The following CCDC91 variants were observed in gnomAD, a reference collection of about 807,000 sequenced individuals.
The protein encoded by CCDC91 is coiled-coil domain-containing protein 91.
Under a neutral mutation model 63.2 loss-of-function variants are expected in CCDC91, and 48 were observed. The observed-to-expected ratio is 0.76, with a 90% CI of 0.60 to 0.97. The LOEUF (loss-of-function observed/expected upper bound fraction) is 0.97, where lower values mean the gene tolerates loss of function less well. Among genes scored for constraint, CCDC91 ranks in the 50% least tolerant of loss-of-function variants. CCDC91 has a pLI of 0.00. For missense variants in CCDC91, 500 were observed against 494.6 expected, an observed-to-expected ratio of 1.01 and a Z score of -0.10; for synonymous variants, 167 against 165.8, an observed-to-expected ratio of 1.01 and a Z score of -0.06.
At chr12:28,226,140 A>G (rs962266437) in intron 1 of CCDC91, 2 of 152,056 alleles carry the variant, frequency 1.3e-5, no homozygotes, top group African/African-American at 4.8e-5. Flanking sequence ...TTACTTCCAG[A>G]TGAAAGTATT....
intron 8 of CCDC91, among the ~76,000 whole-genome samples, chr12:28,398,523 A>C (rs1946424636): frequency 6.6e-6 from 1 of 152,156 alleles, no homozygotes; most frequent in Non-Finnish European, 1.5e-5. Context: ...TTTTGTTTGT[A>C]AATATCTAGG....
intron 8 of CCDC91, among the ~76,000 whole-genome samples, chr12:28,397,080 T>G (rs1018606493): frequency 1.3e-5 from 2 of 152,134 alleles, no homozygotes; most frequent in African/African-American, 2.4e-5. Flanking sequence ...ATATAAGGGA[T>G]AGGCTAAGAC....
chr12:28,356,251 G>A (rs1019878885), intron 6 of CCDC91, among the ~76,000 whole-genome samples: 3 of 152,128 alleles, frequency 2.0e-5, no homozygotes, highest in African/African-American at 7.2e-5. Context: ...AAGGATTATG[G>A]CTCCTTTAGG....
chr12:28,545,311 A>G (rs7315631), intron 12 of CCDC91, among the ~76,000 whole-genome samples: 58,590 of 151,920 alleles, frequency 0.39, 11,694 homozygotes, highest in Middle Eastern at 0.45. Flanking sequence ...TCGCCTCAAT[A>G]AAGGATAAGA....
At chr12:28,333,121 C>T (rs916342802) in intron 6 of CCDC91, among the ~76,000 whole-genome samples, 2 of 152,048 alleles carry the variant, frequency 1.3e-5, no homozygotes, top group African/African-American at 4.8e-5. Context: ...TGGGGTCAGG[C>T]ATGGTGGCTC....
intron 10 of CCDC91, among the ~76,000 whole-genome samples, chr12:28,450,626 A>G (rs1188705442): frequency 6.6e-6 from 1 of 151,818 alleles, no homozygotes; most frequent in Admixed American, 6.6e-5. Context: ...GAAATGCTTT[A>G]CAATGTAGGT....
In CCDC91 at chr12:28,502,658, C is replaced by T. The variant is rs879275291; in HGVS notation, c.1215+18493C>T. Among the ~76,000 whole-genome samples, 307 of 151,462 alleles carry T rather than the reference C, an allele frequency of 2.0e-3. 1 individual carries two copies. The highest frequency in any genetic ancestry group is 3.4e-3 in the Non-Finnish European group (231 of 67,630). Reference sequence around the variant, plus strand: ...TAAGCCAAAAGAACAAAGCTGGAGGCATCATGCTACCTGACTTCAAACTAT... The same window carrying T: ...TAAGCCAAAAGAACAAAGCTGGAGGTATCATGCTACCTGACTTCAAACTAT... On this transcript the variant is annotated intron_variant, in intron 12 of 12. Coordinates refer to ENST00000536442, the MANE Select transcript of CCDC91 (RefSeq NM_018318.5).
intron 8 of CCDC91, among the ~76,000 whole-genome samples, chr12:28,394,944 G>A (rs1409684258): frequency 1.3e-5 from 2 of 152,100 alleles, no homozygotes; most frequent in African/African-American, 4.8e-5. Context: ...GACATCAGAT[G>A]TGCAATAGTG....
chr12:28,450,374 G>A lies in CCDC91; in HGVS notation c.880G>A (p.Glu294Lys). ...QKEILEKCLE[E>K]ERQRNKEALV... ...GGAAATATTGGAAAAGTGTTTGGAG[G>A]AAGAAAGGCAAAGAAATAAAGAGGC... Residue 294 changes from glutamate to lysine, a missense_variant, in exon 10 of 13, where the codon GAA (glutamate) becomes AAA (lysine). Coordinates refer to ENST00000536442, the MANE Select transcript of CCDC91 (RefSeq NM_018318.5). 1 of 1,612,232 alleles carries A rather than the reference G, an allele frequency of 6.2e-7. No homozygotes were observed. The highest frequency in any genetic ancestry group is 8.5e-7 in the Non-Finnish European group (1 of 1,178,616).
intron 8 of CCDC91, among the ~76,000 whole-genome samples, chr12:28,413,664 G>A (rs1175809112): frequency 2.0e-5 from 3 of 152,228 alleles, no homozygotes; most frequent in Admixed American, 1.3e-4. Flanking sequence ...TTAGTATAGC[G>A]TTGTCACTGG....
chr12:28,479,501 T>TGTA, intron 11 of CCDC91, among the ~76,000 whole-genome samples: 1 of 151,990 alleles, frequency 6.6e-6, no homozygotes, highest in Non-Finnish European at 1.5e-5. Flanking sequence ...CATTAGGAGA[T>TGTA]ATACCTAATG....
intron 3 of CCDC91, among the ~76,000 whole-genome samples, chr12:28,270,943 T>C (rs2136374171): frequency 6.6e-6 from 1 of 152,290 alleles, no homozygotes; most frequent in African/African-American, 2.4e-5. Flanking sequence ...GATGTTTGCC[T>C]TCCTGGCTTT....
intron 7 of CCDC91, among the ~76,000 whole-genome samples, chr12:28,363,876 GAAAAAAAAAAA>G (rs34997286): frequency 1.9e-5 from 1 of 52,560 alleles, no homozygotes; most frequent in Non-Finnish European, 3.2e-5. Context: ...GGCTCCATCT[GAAAAAAAAAAA>G]AAAAAAAAAA....
chr12:28,443,285 T>C (rs1189787659), intron 8 of CCDC91, among the ~76,000 whole-genome samples: 3 of 151,502 alleles, frequency 2.0e-5, no homozygotes, highest in Non-Finnish European at 2.9e-5. Flanking sequence ...GTCTAGGATA[T>C]ATTCCATTTT....
At chr12:28,391,006 A>C (rs545651256) in intron 7 of CCDC91, among the ~76,000 whole-genome samples, 36 of 141,734 alleles carry the variant, frequency 2.5e-4, no homozygotes, top group Non-Finnish European at 5.0e-4. Context: ...AACCAAATTT[A>C]TATTTAACAG....
intron 8 of CCDC91, among the ~76,000 whole-genome samples, chr12:28,400,688 C>A (rs909349576): frequency 2.6e-5 from 4 of 152,116 alleles, no homozygotes; most frequent in Admixed American, 6.5e-5. Context: ...CCCAAGTCAC[C>A]ACTTGAATGC....
intron 6 of CCDC91, among the ~76,000 whole-genome samples, chr12:28,358,167 A>G (rs954142686): frequency 2.0e-5 from 3 of 152,200 alleles, no homozygotes; most frequent in African/African-American, 7.2e-5. Context: ...CATTTAACAG[A>G]TAGAGAAATG....
chr12:28,305,523 A>G, intron 3 of CCDC91, 126 bp from the exon 4 acceptor site: 1 of 806,178 alleles, frequency 1.2e-6, no homozygotes, highest in Non-Finnish European at 1.9e-6. Context: ...TTTCACTCTC[A>G]TTGCTTTTAC....
At chr12:28,417,643 ACAC>A (rs374833249) in intron 8 of CCDC91, among the ~76,000 whole-genome samples, 29,066 of 150,228 alleles carry the variant, frequency 0.19, 3,599 homozygotes, top group Non-Finnish European at 0.29. Flanking sequence ...ATATATATAC[ACAC>A]ACACACACAT....
Sources: gnomAD v4.1 joint callset for allele counts (sites outside exome capture counted in the v4.1 genomes callset) on GRCh38, gnomAD v4.1.1 for gene constraint, MANE v1.5 for transcripts, NCBI Gene and HGNC (gene_info 2026-07-23, HGNC 2026-07-21) for gene names.